RFT1: variants seen among roughly 807,000 people sequenced by gnomAD.
The protein encoded by RFT1 is man(5)GlcNAc(2)-PP-dolichol translocation protein RFT1.
RFT1 carries 43 observed loss-of-function variants against 62.2 expected under a neutral mutation model. That is an observed-to-expected ratio of 0.69 (90% CI 0.54 to 0.89). RFT1 has a LOEUF of 0.89. RFT1 is among the 40% of genes least tolerant of loss of function. The pLI is 0.00. For synonymous variants in RFT1, 262 were observed against 264.6 expected (o/e 0.99, Z 0.10); for missense variants, 605 against 649.9 (o/e 0.93, Z 0.75).
At chr3:53,116,778 A>G (rs535202543) in intron 6 of RFT1, among the ~76,000 whole-genome samples, 2 of 151,624 alleles carry the variant, frequency 1.3e-5, no homozygotes, top group South Asian at 4.2e-4. Context: ...ACTGTTTTGT[A>G]TTTTTAGTAG....
intron 6 of RFT1, among the ~76,000 whole-genome samples, chr3:53,116,277 G>A (rs974514206): frequency 1.4e-5 from 2 of 147,950 alleles, no homozygotes; most frequent in Non-Finnish European, 3.0e-5. Flanking sequence ...CATGCATTCA[G>A]AATCATCTCA....
In RFT1 at chr3:53,119,321, G is replaced by T. The variant is rs533388025; in HGVS notation, c.696+563C>A. On this transcript the variant is annotated intron_variant, in intron 6 of 12. Transcript: ENST00000296292. ...AAAACCACAGCAGAATAGAGAGAGT[G>T]GAACACAATGGTGGAGCCTGTGCTC... Among the ~76,000 whole-genome samples, 13 of 152,290 alleles carry T rather than the reference G, an allele frequency of 8.5e-5. No individual in the cohort carries two copies. In the South Asian group the frequency reaches 2.7e-3, roughly 32 times the overall value.
intron 9 of RFT1, among the ~76,000 whole-genome samples, chr3:53,105,169 T>C (rs1701427872): frequency 6.6e-6 from 1 of 152,226 alleles, no homozygotes; most frequent in African/African-American, 2.4e-5. Context: ...ATCCTAGCAC[T>C]TTGGGAGGCT....
intron 1 of RFT1, among the ~76,000 whole-genome samples, chr3:53,128,977 C>T (rs560283930): frequency 1.3e-5 from 2 of 152,276 alleles, no homozygotes; most frequent in South Asian, 2.1e-4. Context: ...CCACCTGACT[C>T]GTAGTCCAGT....
At chr3:53,106,185 A>G (rs913379567) in intron 8 of RFT1, among the ~76,000 whole-genome samples, 1 of 152,134 alleles carries the variant, frequency 6.6e-6, no homozygotes, top group Non-Finnish European at 1.5e-5. Flanking sequence ...GTGAGCTGTG[A>G]TGGTACCACT....
chr3:53,123,955 G>A (rs530071372), intron 2 of RFT1, 115 bp from the exon 3 acceptor site: 50 of 815,442 alleles, frequency 6.1e-5, no homozygotes, highest in South Asian at 4.4e-4. Context: ...CACTGGTGGT[G>A]ATGTGGAAGG....
In RFT1 at chr3:53,092,479, T is replaced by A; in HGVS notation, c.1348A>T (p.Ile450Phe). 6.2e-7 allele frequency: 1 copy of A among 1,612,512 alleles called. No homozygotes were observed. The highest frequency in any genetic ancestry group is 8.5e-7 in the Non-Finnish European group (1 of 1,179,630). The change falls in exon 12 of 13, where the codon ATC becomes TTC. Residue 450 changes from isoleucine (I) to phenylalanine (F), a missense_variant. Coordinates refer to ENST00000296292, the MANE Select transcript of RFT1 (RefSeq NM_052859.4). Reference protein sequence around the residue: ...GIRITQSLCFIHRYYRRSPHR... With the variant: ...GIRITQSLCFFHRYYRRSPHR... Reference sequence around the variant, plus strand: ...GGGCTCCTTCGGTAGTAGCGGTGGATGAAGCAAAGGCTCTGCGTGATCCGA... The same window carrying A: ...GGGCTCCTTCGGTAGTAGCGGTGGAAGAAGCAAAGGCTCTGCGTGATCCGA...
intron 10 of RFT1, among the ~76,000 whole-genome samples, chr3:53,102,000 G>C (rs140906938): frequency 0.015 from 2,271 of 151,750 alleles, 29 homozygotes; most frequent in Non-Finnish European, 0.021. Context: ...TCACACCACT[G>C]TACTCCAGCC....
chr3:53,087,577 T>G (rs1700882967), downstream of RFT1, among the ~76,000 whole-genome samples: 1 of 152,120 alleles, frequency 6.6e-6, no homozygotes, highest in Non-Finnish European at 1.5e-5. Context: ...GTCATCCAGG[T>G]TGGAGCGCGA....
intron 9 of RFT1, among the ~76,000 whole-genome samples, 197 bp downstream of exon 9, chr3:53,105,476 A>G (rs549195553): frequency 6.6e-6 from 1 of 151,252 alleles, no homozygotes; most frequent in Admixed American, 6.6e-5. Flanking sequence ...AGGAAGGGAC[A>G]GCCAAGAGCA....
chr3:53,123,586 T>C (rs2107167700), intron 3 of RFT1, 138 bp downstream of exon 3: 1 of 730,492 alleles, frequency 1.4e-6, no homozygotes, highest in Admixed American at 1.9e-5. Flanking sequence ...CCCCGTCTTG[T>C]TGTATGCCTG....
intron 11 of RFT1, among the ~76,000 whole-genome samples, chr3:53,094,576 A>T (rs760527223): frequency 3.3e-5 from 5 of 152,040 alleles, no homozygotes; most frequent in Non-Finnish European, 5.9e-5. Context: ...AAGCCACTCA[A>T]ATGGGACCCA....
intron 6 of RFT1, among the ~76,000 whole-genome samples, chr3:53,115,111 G>A (rs1701755959): frequency 6.6e-6 from 1 of 152,042 alleles, no homozygotes; most frequent in Admixed American, 6.6e-5. Flanking sequence ...CTGGACAATT[G>A]CCACAGGCTC....
Position 53,119,931 on chromosome 3 carries a change from G to A in RFT1, c.649C>T (p.Pro217Ser), listed in dbSNP as rs2107157216. The A allele has an allele frequency of 6.2e-7, 1 of 1,613,074 alleles. No homozygotes were observed. Among genetic ancestry groups the A allele is most frequent in the Non-Finnish European group, 8.5e-7 (1 of 1,179,386 alleles). Residue 217 changes from proline to serine, a missense_variant, in exon 6 of 13, where the codon CCT becomes TCT. Transcript: ENST00000296292. ...AACAGATCTGTTATTCTGGAGACAG[G>A]AAGAGTTTGAAGCTTGGTTGATTCT... The part of the protein sequence containing the change: ...SPESTKLQTL[P>S]VSRITDLLPN...
rs114630624 is a variant in RFT1, at chr3:53,115,614, T to C, written c.697-3706A>G. 1.0e-2 allele frequency among the ~76,000 whole-genome samples: 1,519 copies of C among 152,340 alleles called. 10 individuals are homozygous for C. The highest frequency in any genetic ancestry group is 0.017 in the Non-Finnish European group (1,172 of 68,026). ...ACCCCAGTCATCTCTACATTCCCAA[T>C]TCCAACACAATGATGGGCAGGTAAC... On this transcript the variant is annotated intron_variant, in intron 6 of 12. Transcript: ENST00000296292.
chr3:53,073,229 C>T, the RFT1 span, among the ~76,000 whole-genome samples: 1 of 152,360 alleles, frequency 6.6e-6, no homozygotes, highest in South Asian at 2.1e-4. Flanking sequence ...GTTCCGGGGC[C>T]TTCCCCCATG....
rs754783004 is a variant in RFT1, at chr3:53,092,512, T to C, written c.1315A>G (p.Met439Val). Residue 439 changes from methionine to valine, a missense_variant, in exon 12 of 13, where the codon ATG (methionine) becomes GTG (valine). Met to Val is a conservative substitution (Grantham distance 21). Transcript: ENST00000296292. The part of the protein sequence containing the change: ...VGFILANCFN[M>V]GIRITQSLCF... The stretch of plus-strand genomic sequence containing the variant: ...AGGCTCTGCGTGATCCGAATGCCCA[T>C]GTTAAAGCAGTTGGCCAAGATGAAG... The C allele has an allele frequency of 2.2e-5, 36 of 1,612,384 alleles. No individual in the cohort carries two copies. Among genetic ancestry groups the C allele is most frequent in the South Asian group, 4.4e-5 (4 of 90,362 alleles).
chr3:53,067,399 C>T, the RFT1 span, among the ~76,000 whole-genome samples: 2 of 152,202 alleles, frequency 1.3e-5, no homozygotes, highest in East Asian at 1.9e-4. Context: ...GGAGGCCACA[C>T]ACAGAAGAAA....
chr3:53,078,769 G>A, the RFT1 span, among the ~76,000 whole-genome samples: 1 of 152,152 alleles, frequency 6.6e-6, no homozygotes, highest in Non-Finnish European at 1.5e-5. Flanking sequence ...AATCTCCACC[G>A]TGACCTCTGT....
Sources: allele counts gnomAD v4.1 joint callset (sites outside exome capture counted in the v4.1 genomes callset), GRCh38; gene constraint gnomAD v4.1.1; transcripts MANE v1.5; gene names NCBI Gene and HGNC (gene_info 2026-07-23, HGNC 2026-07-21).